Variants in PPP2R5C observed in about 807,000 individuals in gnomAD.
PPP2R5C encodes protein phosphatase 2 regulatory subunit B'gamma.
Under a neutral mutation model 68.9 loss-of-function variants are expected in PPP2R5C, and 7 were observed. The observed-to-expected ratio is 0.10, with a 90% confidence interval of 0.06 to 0.19. The LOEUF (loss-of-function observed/expected upper bound fraction) is 0.19. Ranked by LOEUF, PPP2R5C falls within the 10% of genes least tolerant of loss-of-function variation. PPP2R5C has a pLI of 1.00. For missense variants in PPP2R5C, 348 were observed against 641.3 expected (o/e 0.54, Z 4.94); for synonymous variants, 210 against 222.2 (o/e 0.95, Z 0.49).
chr14:101,909,553 C>G (rs189217339), intron 10 of PPP2R5C, 36 bp from the exon 13 acceptor site: 2 of 1,439,970 alleles, frequency 1.4e-6, no homozygotes, highest in South Asian at 1.2e-5. Context: ...AGCAGGAATG[C>G]GTGCTCCCAG....
At chr14:101,921,876 A>T (rs1307698639) in intron 13 of PPP2R5C, 1 of 670,546 alleles carries the variant, frequency 1.5e-6, no homozygotes, top group African/African-American at 2.0e-5. Flanking sequence ...TTCCTTCAAG[A>T]AACTAGTATA....
rs554382625 is a variant in PPP2R5C, at chr14:101,885,435, G to A, written c.629+1873G>A. The stretch of plus-strand genomic sequence containing the variant: ...CGTGCCGGCTTGCACAGCCTGCGTC[G>A]GGAGCACCCTGCCTTTCCCTCTGCA... On this transcript the variant is annotated intron_variant, in intron 5 of 13. Transcript: ENST00000334743. Among the ~76,000 whole-genome samples the A allele has an allele frequency of 2.4e-4, 36 of 149,892 alleles. 2 individuals are homozygous for A. The highest frequency in any genetic ancestry group is 9.3e-4 in the Admixed American group (14 of 15,026).
intron 3 of PPP2R5C, among the ~76,000 whole-genome samples, chr14:101,793,818 C>T (rs2038480084): frequency 1.3e-5 from 2 of 152,162 alleles, no homozygotes; most frequent in South Asian, 2.1e-4. Flanking sequence ...ATGAAAGTGG[C>T]TCTCAGTGGG....
intron 13 of PPP2R5C, among the ~76,000 whole-genome samples, chr14:101,924,085 T>C (rs2047155846): frequency 6.6e-6 from 1 of 152,242 alleles, no homozygotes; most frequent in Non-Finnish European, 1.5e-5. Context: ...TCTTCTGGCA[T>C]ATACATCATG....
At chr14:101,834,417 G>A (rs1269936321) in intron 1 of PPP2R5C, among the ~76,000 whole-genome samples, 1 of 152,248 alleles carries the variant, frequency 6.6e-6, no homozygotes, top group Non-Finnish European at 1.5e-5. Context: ...ATGGTCCCTT[G>A]ATGTGGCGTC....
At position 101,804,268 on chromosome 14, in the gene PPP2R5C, G is replaced by C. The variant is rs539950344; in HGVS notation, c.259+18085G>C. On this transcript the variant is annotated intron_variant, in intron 3 of 14. Coordinates refer to the PPP2R5C transcript ENST00000328724. ...GAAAAGGGAACCCTCGTACACTGTT[G>C]TTAGGAATGTAAATTAGTACAACCA... Among the ~76,000 whole-genome samples, 12 of 152,328 alleles carry C rather than the reference G, an allele frequency of 7.9e-5. No homozygotes were observed. The East Asian group carries it at 2.3e-3, about 29-fold the overall frequency.
chr14:101,924,488 G>C (rs764811751), intron 13 of PPP2R5C, among the ~76,000 whole-genome samples: 3 of 92,428 alleles, frequency 3.2e-5, no homozygotes, highest in Non-Finnish European at 4.7e-5. Flanking sequence ...TGTCACCCAG[G>C]CTGGACTGCA....
intron 2 of PPP2R5C, 45 bp from the exon 3 acceptor site, chr14:101,785,973 A>G (rs1309666237): frequency 2.0e-6 from 3 of 1,466,468 alleles, no homozygotes; most frequent in East Asian, 2.5e-5. Context: ...GCTACAAAAT[A>G]CAACCATTGT....
chr14:101,861,427 T>C (rs1205691041), intron 2 of PPP2R5C, among the ~76,000 whole-genome samples: 1 of 152,230 alleles, frequency 6.6e-6, no homozygotes, highest in Non-Finnish European at 1.5e-5. Context: ...AATTGACTTT[T>C]TCACTGTATT....
intron 8 of PPP2R5C, among the ~76,000 whole-genome samples, chr14:101,897,402 A>AT (rs56037155): frequency 0.086 from 12,105 of 141,464 alleles, 566 homozygotes; most frequent in African/African-American, 0.12. Context: ...GAGAGGTTGT[A>AT]TTTTTTTTTT....
At chr14:101,870,772 C>G (rs2043356538) in intron 2 of PPP2R5C, among the ~76,000 whole-genome samples, 1 of 152,220 alleles carries the variant, frequency 6.6e-6, no homozygotes, top group African/African-American at 2.4e-5. Context: ...CCTATGTACA[C>G]AGCATGTCTC....
At chr14:101,770,086 T>C (rs899128491) in intron 2 of PPP2R5C, among the ~76,000 whole-genome samples, 4 of 152,206 alleles carry the variant, frequency 2.6e-5, no homozygotes, top group Non-Finnish European at 4.4e-5. Context: ...CATAAAAATA[T>C]GGTGTTACAA....
chr14:101,847,591 C>T lies in PPP2R5C; in HGVS notation c.95-9095C>T, dbSNP rs138988134. Among the ~76,000 whole-genome samples the T allele has an allele frequency of 5.2e-3, 782 of 151,142 alleles. 5 individuals carry two copies. The highest frequency in any genetic ancestry group is 7.7e-3 in the Non-Finnish European group (523 of 67,924). ...CATCAGTGCCTAGCACAGTGCCTGG[C>T]GTGTATGTATGGGATGCGTTTGCGA... On this transcript the variant is annotated intron_variant, in intron 1 of 13. Coordinates refer to ENST00000334743, the Ensembl canonical transcript of PPP2R5C.
chr14:101,765,761 A>AT (rs1355900892), intron 2 of PPP2R5C: 4 of 69,460 alleles, frequency 5.8e-5, no homozygotes, highest in African/African-American at 2.1e-4. Flanking sequence ...TTTTTTTTGT[A>AT]TTTTTAGTAG....
At chr14:101,815,812 G>A (rs1375532623) in intron 1 of PPP2R5C, among the ~76,000 whole-genome samples, 1 of 152,126 alleles carries the variant, frequency 6.6e-6, no homozygotes, top group East Asian at 1.9e-4. Flanking sequence ...TGGGATTACA[G>A]GTGCATGCCA....
intron 5 of PPP2R5C, among the ~76,000 whole-genome samples, chr14:101,887,922 C>T (rs1040714138): frequency 1.3e-4 from 20 of 152,222 alleles, no homozygotes; most frequent in East Asian, 7.7e-4. Flanking sequence ...ACACTCTCTC[C>T]GGCTCCCAGG....
At chr14:101,881,314 C>T (rs1442489146) in intron 2 of PPP2R5C, among the ~76,000 whole-genome samples, 1 of 152,108 alleles carries the variant, frequency 6.6e-6, no homozygotes, top group Non-Finnish European at 1.5e-5. Context: ...GCACAAGAAT[C>T]ACTTGAACCC....
At chr14:101,816,862 A>ATATT (rs1292999020) in intron 1 of PPP2R5C, among the ~76,000 whole-genome samples, 2 of 141,792 alleles carry the variant, frequency 1.4e-5, no homozygotes, top group Admixed American at 7.3e-5. Flanking sequence ...ATAAATATAT[A>ATATT]TATTTATTTA....
Position 101,882,433 on chromosome 14 carries a change from A to G in PPP2R5C, c.405+162A>G. On this transcript the variant is annotated intron_variant, in intron 3 of 13. Coordinates refer to ENST00000334743, the Ensembl canonical transcript of PPP2R5C. The surrounding 1 kb of genome is among the most constrained non-coding windows in gnomAD (Gnocchi z 4.9). ...ACAAGAAAAATATTTCAGCAGAATA[A>G]AGTTAATGTGTGTGTTTGACCACTT... 1 of 525,984 alleles carries G rather than the reference A, an allele frequency of 1.9e-6. No individual in the cohort carries two copies. The highest frequency in any genetic ancestry group is 3.4e-6 in the Non-Finnish European group (1 of 294,210). 32.6% of individuals were successfully genotyped at this position (525,984 alleles called of 1,614,324 possible). A position where few individuals can be genotyped will look rare whatever the true frequency, so the allele number is the denominator to read the frequency against.
Sources: allele counts gnomAD v4.1 joint callset (sites outside exome capture counted in the v4.1 genomes callset), GRCh38; gene constraint gnomAD v4.1.1; non-coding constraint Gnocchi (gnomAD v3.1); transcripts MANE v1.5; gene names NCBI Gene and HGNC (gene_info 2026-07-23, HGNC 2026-07-21).